Variants in PSMD14 observed in about 807,000 individuals in gnomAD.
The protein encoded by PSMD14 is proteasome 26S subunit, non-ATPase 14.
PSMD14 carries 7 observed loss-of-function variants against 41.2 expected under a neutral mutation model. That is an observed-to-expected ratio of 0.17 (90% CI 0.10 to 0.32). PSMD14 has a LOEUF of 0.32. PSMD14 is among the 10% of genes least tolerant of loss of function. The pLI is 1.00. For synonymous variants in PSMD14, 114 were observed against 122.3 expected (o/e 0.93, Z 0.45); for missense variants, 139 against 375.6 (o/e 0.37, Z 5.21).
At chr2:161,407,582 A>C (rs1683964226) in intron 10 of PSMD14, 1 of 152,120 alleles carries the variant, frequency 6.6e-6, no homozygotes, top group Admixed American at 6.5e-5. Flanking sequence ...CAAAACTATT[A>C]AGAAGGTGTG....
intron 7 of PSMD14, chr2:161,381,244 G>A (rs1433839787): frequency 1.3e-5 from 2 of 149,008 alleles, no homozygotes; most frequent in Non-Finnish European, 3.0e-5. Context: ...TAATATATAG[G>A]TATACATATA....
At chr2:161,384,256 G>T (rs1683606224) in intron 7 of PSMD14, 2 of 151,548 alleles carry the variant, frequency 1.3e-5, no homozygotes, top group South Asian at 4.1e-4. Context: ...TTGTCATCAT[G>T]TTTTAGTCTA....
intron 3 of PSMD14, among the ~76,000 whole-genome samples, chr2:161,352,762 G>A (rs1221242475): frequency 6.6e-6 from 1 of 151,986 alleles, no homozygotes; most frequent in South Asian, 2.1e-4. Context: ...ATTAGATGAG[G>A]TAAATAACAT....
chr2:161,374,928 C>T (rs902528840), intron 7 of PSMD14, among the ~76,000 whole-genome samples: 2 of 151,990 alleles, frequency 1.3e-5, no homozygotes, highest in African/African-American at 4.8e-5. Flanking sequence ...GTAAAATGCT[C>T]AGTTATTACC....
At chr2:161,401,717 C>A (rs1275338386) in intron 10 of PSMD14, among the ~76,000 whole-genome samples, 1 of 152,146 alleles carries the variant, frequency 6.6e-6, no homozygotes, top group African/African-American at 2.4e-5. Context: ...ATTGAATTCT[C>A]TGTGAAATTT....
At chr2:161,317,359 A>G (rs1689158393) in intron 2 of PSMD14, among the ~76,000 whole-genome samples, 1 of 152,218 alleles carries the variant, frequency 6.6e-6, no homozygotes, top group Non-Finnish European at 1.5e-5. Flanking sequence ...AACATGTTAC[A>G]TGAAACAAGC....
intron 2 of PSMD14, 28 bp downstream of exon 2, chr2:161,316,597 TA>T (rs1689150534): frequency 6.6e-6 from 1 of 152,210 alleles, no homozygotes; most frequent in African/African-American, 2.4e-5. Flanking sequence ...ATTTTACTTT[TA>T]ATTATTATTT....
intron 8 of PSMD14, among the ~76,000 whole-genome samples, chr2:161,386,605 G>A (rs938114900): frequency 6.6e-5 from 10 of 151,598 alleles, no homozygotes; most frequent in Non-Finnish European, 1.0e-4. Flanking sequence ...AGTATAATGT[G>A]TATGAAATAA....
rs771154959 is a variant in PSMD14 at position 161,411,388 on chromosome 2, C to T, written c.921C>T (p.Val307=). Residue 307 remains valine (V), a synonymous_variant, in exon 12 of 12, where the codon GTC becomes GTT. Coordinates refer to ENST00000409682, the MANE Select transcript of PSMD14 (RefSeq NM_005805.6). ...GTTTAGCAGCTATGTTGGATACTGT[C>T]GTATTTAAATAAAGCAACGAAAAAC... ...VQCLAAMLDT[V]VFK 49 of 1,604,326 alleles carry T rather than the reference C, an allele frequency of 3.1e-5. 1 individual carries two copies. Among genetic ancestry groups the T allele is most frequent in the Non-Finnish European group, 3.8e-5 (45 of 1,173,726 alleles).
At chr2:161,383,891 C>G (rs1465784205) in intron 7 of PSMD14, 1 of 151,458 alleles carries the variant, frequency 6.6e-6, no homozygotes, top group Non-Finnish European at 1.5e-5. Flanking sequence ...AATTTTACTT[C>G]TATATTTTTA....
At chr2:161,328,519 T>C (rs1223247345) in intron 3 of PSMD14, among the ~76,000 whole-genome samples, 1 of 152,136 alleles carries the variant, frequency 6.6e-6, no homozygotes, top group African/African-American at 2.4e-5. Flanking sequence ...TCTACAGTGA[T>C]GGAAGTGTCC....
intron 10 of PSMD14, among the ~76,000 whole-genome samples, chr2:161,407,107 A>G (rs926397563): frequency 6.6e-6 from 1 of 152,124 alleles, no homozygotes; most frequent in Non-Finnish European, 1.5e-5. Context: ...CTGAATGGGT[A>G]TGGAGTACAA....
At chr2:161,311,625 CTTTTTTTT>C (rs34635738) in intron 1 of PSMD14, among the ~76,000 whole-genome samples, 3 of 58,536 alleles carry the variant, frequency 5.1e-5, no homozygotes, top group Non-Finnish European at 9.4e-5. Flanking sequence ...CTCACTCTTC[CTTTTTTTT>C]TTTTTTTTTT....
intron 6 of PSMD14, 56 bp from the exon 7 acceptor site, chr2:161,371,116 A>G: frequency 1.3e-6 from 2 of 1,544,066 alleles, no homozygotes; most frequent in Non-Finnish European, 1.8e-6. Context: ...TTCTTTTCAT[A>G]TCATAAATGT....
intron 3 of PSMD14, among the ~76,000 whole-genome samples, chr2:161,338,634 G>T (rs1179452487): frequency 6.6e-6 from 1 of 152,066 alleles, no homozygotes; most frequent in African/African-American, 2.4e-5. Context: ...TAGGCCTTTT[G>T]TATGTTTTTA....
chr2:161,355,366 A>G (rs1683181182), intron 3 of PSMD14, among the ~76,000 whole-genome samples: 1 of 152,138 alleles, frequency 6.6e-6, no homozygotes, highest in Admixed American at 6.5e-5. Context: ...TTTCAGGATT[A>G]CTCAGAGATG....
At chr2:161,406,412 A>C (rs1683947753) in intron 10 of PSMD14, among the ~76,000 whole-genome samples, 2 of 152,270 alleles carry the variant, frequency 1.3e-5, no homozygotes, top group African/African-American at 4.8e-5. Flanking sequence ...CAAAAGCAAA[A>C]TTTGACGCCA....
intron 1 of PSMD14, among the ~76,000 whole-genome samples, chr2:161,315,273 T>A (rs1470462700): frequency 6.6e-6 from 1 of 152,168 alleles, no homozygotes; most frequent in Non-Finnish European, 1.5e-5. Flanking sequence ...AACAAAAAAT[T>A]ATCTGGTCCT....
In PSMD14 at chr2:161,316,572, A is replaced by G. The variant is rs1689150315; in HGVS notation, c.-5+3A>G. The G allele has an allele frequency of 6.6e-6, 1 of 152,232 alleles. No homozygotes were observed. The highest frequency in any genetic ancestry group is 1.5e-5 in the Non-Finnish European group (1 of 68,036). The allele number at this position is 152,232 out of a possible 1,614,324, so 9.4% of individuals were successfully genotyped here. ...TAAGAGTTGTAGTTACTGACCAGGT[A>G]AGGTTTAAAAATGTATTTTACTTTT... On this transcript the variant is annotated splice_donor_region_variant and intron_variant, in intron 2 of 11. Transcript: ENST00000409682.
Sources: gnomAD v4.1 joint callset for allele counts (sites outside exome capture counted in the v4.1 genomes callset) on GRCh38, gnomAD v4.1.1 for gene constraint, MANE v1.5 for transcripts, NCBI Gene and HGNC (gene_info 2026-07-23, HGNC 2026-07-21) for gene names.